Variants in CCDC148 observed in about 807,000 individuals in gnomAD.
CCDC148 encodes the protein coiled-coil domain-containing protein 148.
CCDC148 carries 89 observed loss-of-function variants against 85.7 expected under a neutral mutation model. The observed-to-expected ratio is 1.04, with a 90% CI of 0.87 to 1.24. The LOEUF (loss-of-function observed/expected upper bound fraction) is 1.24. Among genes scored for constraint, CCDC148 ranks in the 50% most tolerant of loss-of-function variants. CCDC148 has a pLI of 0.00. For synonymous variants in CCDC148, 230 were observed against 213.9 expected (o/e 1.08, Z -0.66); for missense variants, 692 against 671.7 (o/e 1.03, Z -0.33).
rs1036444462 is a variant in CCDC148, at chr2:158,370,224, C to A, written c.26-11654G>T. 3.3e-5 allele frequency among the ~76,000 whole-genome samples: 5 copies of A among 152,148 alleles called. No individual in the cohort carries two copies. In the South Asian group the frequency reaches 1.0e-3, roughly 32 times the overall value. ...GGGTTGATACATGCAGCAAACCATA[C>A]GTGCAGCACATATTTACCTATGTAA... On this transcript the variant is annotated intron_variant, in intron 1 of 13. Transcript: ENST00000283233.
intron 10 of CCDC148, among the ~76,000 whole-genome samples, chr2:158,222,904 G>A (rs572276281): frequency 3.9e-5 from 6 of 152,254 alleles, no homozygotes; most frequent in South Asian, 2.1e-4. Context: ...GGCAGAAGAC[G>A]GGTGATTTCT....
intron 13 of CCDC148, among the ~76,000 whole-genome samples, chr2:158,175,634 A>G (rs976672853): frequency 6.6e-6 from 1 of 152,088 alleles, no homozygotes; most frequent in African/African-American, 2.4e-5. Context: ...CAGGCACCAT[A>G]CGCAGAGCCA....
At chr2:158,225,455 C>T (rs1047063341) in intron 10 of CCDC148, among the ~76,000 whole-genome samples, 1 of 152,106 alleles carries the variant, frequency 6.6e-6, no homozygotes, top group South Asian at 2.1e-4. Flanking sequence ...CCAAGCAGAA[C>T]TAATAGACAT....
At chr2:158,256,135 A>C (rs754237311) in intron 9 of CCDC148, among the ~76,000 whole-genome samples, 54 of 151,980 alleles carry the variant, frequency 3.6e-4, no homozygotes, top group Non-Finnish European at 6.5e-4. Flanking sequence ...AATTAACATC[A>C]ATGAAACAAT....
chr2:158,453,867 T>G (rs958332431), intron 1 of CCDC148, among the ~76,000 whole-genome samples: 1 of 152,208 alleles, frequency 6.6e-6, no homozygotes, highest in Admixed American at 6.5e-5. Context: ...ATTCTAACCT[T>G]GCCCTGGGCC....
intron 9 of CCDC148, among the ~76,000 whole-genome samples, chr2:158,283,883 C>T (rs1690475752): frequency 6.6e-6 from 1 of 151,914 alleles, no homozygotes. Flanking sequence ...ACCAAAATGT[C>T]CAACAATGAT....
At chr2:158,390,092 G>A (rs914817423) in intron 1 of CCDC148, among the ~76,000 whole-genome samples, 2 of 152,104 alleles carry the variant, frequency 1.3e-5, no homozygotes, top group Admixed American at 1.3e-4. Flanking sequence ...CCTATATGCT[G>A]CTTAGGACTA....
chr2:158,369,399 A>G (rs1266988766), intron 1 of CCDC148, among the ~76,000 whole-genome samples: 1 of 152,036 alleles, frequency 6.6e-6, no homozygotes, highest in East Asian at 1.9e-4. Context: ...TTCCATGGTT[A>G]GCTGTATTCC....
At chr2:158,404,864 T>C (rs1178038483) in intron 1 of CCDC148, among the ~76,000 whole-genome samples, 1 of 152,126 alleles carries the variant, frequency 6.6e-6, no homozygotes, top group Non-Finnish European at 1.5e-5. Context: ...TGAAAACTTA[T>C]AAGAGTGGAA....
intron 9 of CCDC148, among the ~76,000 whole-genome samples, chr2:158,277,333 G>C (rs2602198): frequency 0.32 from 48,079 of 152,016 alleles, 8,296 homozygotes; most frequent in Middle Eastern, 0.45. Flanking sequence ...ACATTTCCTT[G>C]AGGTGATAAT....
intron 2 of CCDC148, among the ~76,000 whole-genome samples, chr2:158,347,008 T>C (rs1384184755): frequency 2.6e-5 from 4 of 152,156 alleles, no homozygotes. Flanking sequence ...AGTACGTTTT[T>C]AAAAGCACAG....
At chr2:158,447,208 G>C (rs1688194998) in intron 1 of CCDC148, 2 of 152,212 alleles carry the variant, frequency 1.3e-5, no homozygotes, top group South Asian at 4.2e-4. Context: ...GCGTGCAGTG[G>C]TATCGATATG....
At chr2:158,419,788 C>A (rs1021230536) in intron 1 of CCDC148, among the ~76,000 whole-genome samples, 1 of 152,128 alleles carries the variant, frequency 6.6e-6, no homozygotes, top group African/African-American at 2.4e-5. Flanking sequence ...AACTGGATAA[C>A]CATCCCCTCC....
At chr2:158,452,022 A>G (rs938025734) in intron 1 of CCDC148, among the ~76,000 whole-genome samples, 2 of 152,232 alleles carry the variant, frequency 1.3e-5, no homozygotes, top group Non-Finnish European at 2.9e-5. Context: ...TATGAGGAGA[A>G]TAGTGTAAAG....
intron 1 of CCDC148, among the ~76,000 whole-genome samples, chr2:158,412,476 T>C (rs2105315729): frequency 6.6e-6 from 1 of 152,280 alleles, no homozygotes; most frequent in African/African-American, 2.4e-5. Flanking sequence ...TCAGAGTGCT[T>C]GTATTCTAAA....
intron 9 of CCDC148, among the ~76,000 whole-genome samples, chr2:158,294,687 G>A (rs905516717): frequency 5.3e-5 from 8 of 152,040 alleles, no homozygotes; most frequent in African/African-American, 1.9e-4. Flanking sequence ...AGCCAGGCGT[G>A]GTGGCTGGTG....
Position 158,401,064 on chromosome 2 carries a change from A to C in CCDC148, c.26-42494T>G, listed in dbSNP as rs570408425. ...AGTCAGGAAACCACATATGCTGGAGAGGATGTGGAGAAATAGGAACGCTTT... is the reference window on the plus strand; with the variant it reads ...AGTCAGGAAACCACATATGCTGGAGCGGATGTGGAGAAATAGGAACGCTTT... On this transcript the variant is annotated intron_variant, in intron 1 of 13. Coordinates refer to ENST00000283233, the MANE Select transcript of CCDC148 (RefSeq NM_138803.4). 7.2e-5 allele frequency among the ~76,000 whole-genome samples: 11 copies of C among 152,284 alleles called. No individual in the cohort carries two copies. In the East Asian group the frequency reaches 2.1e-3, roughly 29 times the overall value.
At chr2:158,435,904 A>T (rs1687627240) in intron 1 of CCDC148, among the ~76,000 whole-genome samples, 1 of 152,230 alleles carries the variant, frequency 6.6e-6, no homozygotes, top group Non-Finnish European at 1.5e-5. Context: ...TGGTAAAGGG[A>T]TCAATTCAAC....
At chr2:158,394,165 G>C (rs1310400840) in intron 1 of CCDC148, among the ~76,000 whole-genome samples, 3 of 152,048 alleles carry the variant, frequency 2.0e-5, no homozygotes, top group African/African-American at 7.2e-5. Context: ...AGAGGGTAAA[G>C]CTTAGTTATT....
Sources: allele counts gnomAD v4.1 joint callset (sites outside exome capture counted in the v4.1 genomes callset), GRCh38; gene constraint gnomAD v4.1.1; transcripts MANE v1.5; gene names NCBI Gene and HGNC (gene_info 2026-07-23, HGNC 2026-07-21).